DGKK: variants seen among roughly 807,000 people sequenced by gnomAD.
The protein encoded by DGKK is 142 kDa diacylglycerol kinase.
In DGKK, 35 loss-of-function variants were observed where a neutral mutation model predicts 92.2. The observed-to-expected ratio is 0.38, with a 90% CI of 0.29 to 0.50. The LOEUF (loss-of-function observed/expected upper bound fraction) is 0.50. DGKK is among the 20% of genes least tolerant of loss of function. DGKK has a pLI of 0.92. For synonymous variants in DGKK, 368 were observed against 360.6 expected (o/e 1.02, Z -0.23); for missense variants, 910 against 992.2 (o/e 0.92, Z 1.11).
chrX:50,406,755 G>C (rs1925164366), intron 4 of DGKK, among the ~76,000 whole-genome samples: 1 of 112,001 alleles, frequency 8.9e-6, no homozygotes, highest in African/African-American at 3.2e-5. Flanking sequence ...ACCTTAATTT[G>C]GGACTTCTAG....
intron 3 of DGKK, among the ~76,000 whole-genome samples, chrX:50,421,356 C>T (rs1384662365): frequency 9.0e-6 from 1 of 111,522 alleles, no homozygotes; most frequent in African/African-American, 3.3e-5. Flanking sequence ...CTAGAGCTCA[C>T]CACACCAACA....
At chrX:50,378,556 T>G in intron 21 of DGKK, 22 bp downstream of exon 21, 4 of 1,168,155 alleles carry the variant, frequency 3.4e-6, no homozygotes, top group Non-Finnish European at 4.6e-6. Flanking sequence ...CCCTTCCCAG[T>G]GCCCACCCAG....
At chrX:50,421,111 T>C (rs1304438503) in intron 3 of DGKK, among the ~76,000 whole-genome samples, 2 of 111,702 alleles carry the variant, frequency 1.8e-5, no homozygotes, top group African/African-American at 3.3e-5. Context: ...TTTCTTTCTT[T>C]CTTATGGTTA....
intron 1 of DGKK, among the ~76,000 whole-genome samples, chrX:50,448,687 T>C (rs971165467): frequency 2.2e-4 from 24 of 111,565 alleles, no homozygotes; most frequent in African/African-American, 7.2e-4. Context: ...CAATGAGCAC[T>C]GGATGACCAG....
intron 1 of DGKK, among the ~76,000 whole-genome samples, chrX:50,438,510 A>G (rs1217786840): frequency 1.8e-5 from 2 of 111,592 alleles, no homozygotes; most frequent in African/African-American, 6.5e-5. Flanking sequence ...TACTCATTAT[A>G]TCACACACAC....
intron 13 of DGKK, 52 bp from the exon 14 acceptor site, chrX:50,387,705 G>A: frequency 1.1e-6 from 1 of 890,836 alleles, no homozygotes; most frequent in South Asian, 2.2e-5. Context: ...GAGGCCCAGA[G>A]CCCTTCTCTC....
rs1379333201 is a variant in DGKK, at chrX:50,365,761, C to T, written c.*3179G>A. Reference sequence around the variant, plus strand: ...TTGGTTGCTTTGGTATTATTTTCCACCTCTCGTGAAAGAAAAATTCTTCCA... The same window carrying T: ...TTGGTTGCTTTGGTATTATTTTCCATCTCTCGTGAAAGAAAAATTCTTCCA... On this transcript the variant is annotated 3_prime_UTR_variant, in exon 28 of 28. Transcript: ENST00000611977. The T allele has an allele frequency of 8.9e-6, 1 of 111,863 alleles. No individual in the cohort carries two copies. Among genetic ancestry groups the T allele is most frequent in the Non-Finnish European group, 1.9e-5 (1 of 53,168 alleles). 9.2% of individuals were successfully genotyped at this position (111,863 alleles called of 1,213,427 possible).
At chrX:50,437,668 T>C (rs1557230902) in intron 1 of DGKK, among the ~76,000 whole-genome samples, 1 of 110,649 alleles carries the variant, frequency 9.0e-6, no homozygotes, top group Non-Finnish European at 1.9e-5. Context: ...AAGAGATCAG[T>C]GGTATTATAA....
chrX:50,406,972 G>T (rs1281981323), intron 4 of DGKK, among the ~76,000 whole-genome samples: 1 of 111,596 alleles, frequency 9.0e-6, no homozygotes, highest in Non-Finnish European at 1.9e-5. Context: ...GCTAGAAAAA[G>T]CCTAGATTGC....
intron 18 of DGKK, among the ~76,000 whole-genome samples, chrX:50,381,446 C>T (rs1009192233): frequency 6.3e-5 from 7 of 110,651 alleles, no homozygotes; most frequent in Non-Finnish European, 1.1e-4. Context: ...CCAGCCTAGG[C>T]GACAGAACAA....
chrX:50,462,395 T>A (rs1926768027), intron 1 of DGKK, among the ~76,000 whole-genome samples: 1 of 106,674 alleles, frequency 9.4e-6, no homozygotes, highest in Admixed American at 1.0e-4. Context: ...GAGTGCTTTT[T>A]TTTTTTTTTT....
At chrX:50,448,575 C>T (rs1602301259) in intron 1 of DGKK, among the ~76,000 whole-genome samples, 2 of 111,083 alleles carry the variant, frequency 1.8e-5, no homozygotes, top group Middle Eastern at 4.7e-3. Context: ...CAAATGGACT[C>T]AATAATGCAT....
rs781815443 is a variant in DGKK at position 50,407,154 on chromosome X, T to C, written c.943-2970A>G. Reference sequence around the variant, plus strand: ...GGTGGAAAGTAGACTTTGTGAGCAATAAACTTGAATATTTGACTGAGGAGA... The same window carrying C: ...GGTGGAAAGTAGACTTTGTGAGCAACAAACTTGAATATTTGACTGAGGAGA... On this transcript the variant is annotated intron_variant, in intron 4 of 27. Coordinates refer to ENST00000611977, the MANE Select transcript of DGKK (RefSeq NM_001013742.4). Among the ~76,000 whole-genome samples the C allele has an allele frequency of 1.3e-4, 15 of 111,879 alleles. No homozygotes were observed. In the South Asian group the frequency reaches 5.7e-3, roughly 43 times the overall value.
Position 50,376,113 on chromosome X carries a change from C to T in DGKK, c.3325G>A (p.Val1109Met). Residue 1109 changes from valine to methionine, a missense_variant, in exon 24 of 28, where the codon GTG (valine) becomes ATG (methionine). Val to Met is a conservative substitution (Grantham distance 21). Coordinates refer to ENST00000611977, the MANE Select transcript of DGKK (RefSeq NM_001013742.4). ...TTCAGGATGTTAGCGCTGGCATTCACAGAACCCATGAGGACAGACACATGC... is the reference window on the plus strand; with the variant it reads ...TTCAGGATGTTAGCGCTGGCATTCATAGAACCCATGAGGACAGACACATGC... ...HQHVSVLMGSVNASANILNDI... is the reference protein window; with the variant it reads ...HQHVSVLMGSMNASANILNDI... The T allele has an allele frequency of 1.7e-6, 2 of 1,211,321 alleles. No individual in the cohort carries two copies. Among genetic ancestry groups the T allele is most frequent in the Non-Finnish European group, 2.2e-6 (2 of 895,222 alleles).
chrX:50,382,711 C>T, intron 17 of DGKK, 108 bp from the exon 18 acceptor site: 1 of 536,951 alleles, frequency 1.9e-6, no homozygotes, highest in South Asian at 3.4e-5. Flanking sequence ...AGGGAAGGCC[C>T]CCTCCACACT....
At position 50,470,735 on chromosome X, in the gene DGKK, G is replaced by A. The variant is rs1220242908; in HGVS notation, c.-57C>T. The stretch of plus-strand genomic sequence containing the variant: ...GAGTCCCTAAGCCTGGAAGGCTAAA[G>A]TACCCTCGGGCGCCCCGCCCACTCC... On this transcript the variant is annotated 5_prime_UTR_variant, in exon 1 of 28. Coordinates refer to ENST00000611977, the MANE Select transcript of DGKK (RefSeq NM_001013742.4). 95 of 1,071,321 alleles carry A rather than the reference G, an allele frequency of 8.9e-5. No homozygotes were observed. Among genetic ancestry groups the A allele is most frequent in the Non-Finnish European group, 7.8e-5 (65 of 829,070 alleles). The allele number at this position is 1,071,321 out of a possible 1,213,427, so 88.3% of individuals were successfully genotyped here. A position where few individuals can be genotyped will look rare whatever the true frequency, so the allele number is the denominator to read the frequency against.
At chrX:50,427,577 TTAATAATAA>T (rs75113899) in intron 1 of DGKK, among the ~76,000 whole-genome samples, 6,591 of 97,947 alleles carry the variant, frequency 0.067, 620 homozygotes, top group African/African-American at 0.24. Context: ...ATGCAAGACG[TTAATAATAA>T]TAATAATAAT....
intron 1 of DGKK, among the ~76,000 whole-genome samples, chrX:50,468,478 G>A (rs957685069): frequency 2.6e-4 from 29 of 111,421 alleles, no homozygotes; most frequent in African/African-American, 9.2e-4. Context: ...CTGCAGGAAA[G>A]GGTATTTTCA....
At chrX:50,446,364 A>G (rs782656383) in intron 1 of DGKK, among the ~76,000 whole-genome samples, 6 of 111,341 alleles carry the variant, frequency 5.4e-5, no homozygotes, top group Non-Finnish European at 1.1e-4. Context: ...CAGTTCCTCT[A>G]CATCCTCTGT....
Sources: gnomAD v4.1 joint callset for allele counts (sites outside exome capture counted in the v4.1 genomes callset) on GRCh38, gnomAD v4.1.1 for gene constraint, MANE v1.5 for transcripts, NCBI Gene and HGNC (gene_info 2026-07-23, HGNC 2026-07-21) for gene names.